ARIH1: variants seen among roughly 807,000 people sequenced by gnomAD.
ARIH1 encodes the protein E3 ubiquitin-protein ligase ARIH1.
ARIH1 carries 8 observed loss-of-function variants against 85.0 expected under a neutral mutation model. The observed-to-expected ratio is 0.09, with a 90% CI of 0.06 to 0.17. The LOEUF (loss-of-function observed/expected upper bound fraction) is 0.17. ARIH1 is among the 10% of genes least tolerant of loss of function. The pLI, the probability that ARIH1 is intolerant of heterozygous loss-of-function variation, is 1.00. For synonymous variants in ARIH1, 238 were observed against 253.6 expected, an observed-to-expected ratio of 0.94 and a Z score of 0.59; for missense variants, 311 against 718.1, an observed-to-expected ratio of 0.43 and a Z score of 6.48.
intron 1 of ARIH1, among the ~76,000 whole-genome samples, chr15:72,479,949 G>T (rs2063808977): frequency 6.7e-6 from 1 of 149,952 alleles, no homozygotes; most frequent in Non-Finnish European, 1.5e-5. Flanking sequence ...CTCACCGCAA[G>T]CTCCGCCTCC....
In ARIH1 at chr15:72,493,406, A is replaced by G. The variant is rs1264448939; in HGVS notation, c.375+18392A>G. Among the ~76,000 whole-genome samples the G allele has an allele frequency of 3.9e-5, 6 of 152,288 alleles. No individual in the cohort carries two copies. In the East Asian group the frequency reaches 9.6e-4, roughly 24 times the overall value. ...GCATGTCTGTTCAGGCAAAGTTTAC[A>G]TAAGGTAGAACACTACAGCAGCACA... On this transcript the variant is annotated intron_variant, in intron 1 of 13. Coordinates refer to ENST00000379887, the MANE Select transcript of ARIH1 (RefSeq NM_005744.5).
At chr15:72,482,217 T>G (rs923613024) in intron 1 of ARIH1, among the ~76,000 whole-genome samples, 3 of 152,202 alleles carry the variant, frequency 2.0e-5, no homozygotes, top group African/African-American at 7.2e-5. Context: ...AGTCCTAGAT[T>G]TTTTTAATAT....
intron 10 of ARIH1, among the ~76,000 whole-genome samples, chr15:72,571,241 C>G (rs1487906255): frequency 1.3e-5 from 2 of 150,690 alleles, no homozygotes; most frequent in Non-Finnish European, 3.0e-5. Context: ...AGTTTAAGCT[C>G]TGAAACTCTG....
At chr15:72,523,097 C>A (rs1054707301) in intron 2 of ARIH1, among the ~76,000 whole-genome samples, 13 of 152,176 alleles carry the variant, frequency 8.5e-5, no homozygotes, top group African/African-American at 3.1e-4. Flanking sequence ...TCTTAAAATA[C>A]AAAATGTACT....
intron 3 of ARIH1, among the ~76,000 whole-genome samples, chr15:72,550,302 C>T (rs1287425357): frequency 1.3e-5 from 2 of 152,120 alleles, no homozygotes; most frequent in Non-Finnish European, 2.9e-5. Context: ...TTAAAATGAG[C>T]TCTAGACTAG....
At chr15:72,523,341 C>T (rs1389128075) in intron 2 of ARIH1, among the ~76,000 whole-genome samples, 4 of 152,096 alleles carry the variant, frequency 2.6e-5, no homozygotes, top group African/African-American at 7.2e-5. Flanking sequence ...CATGAAAAAC[C>T]GTGGAGGGAC....
chr15:72,493,859 T>C (rs2063869152), intron 1 of ARIH1, among the ~76,000 whole-genome samples: 1 of 149,456 alleles, frequency 6.7e-6, no homozygotes, highest in South Asian at 2.2e-4. Context: ...TGACTGTTTA[T>C]AAACTTTTTT....
At chr15:72,571,893 C>G (rs1307623838) in intron 10 of ARIH1, among the ~76,000 whole-genome samples, 1 of 152,102 alleles carries the variant, frequency 6.6e-6, no homozygotes, top group African/African-American at 2.4e-5. Context: ...AGAGAGAATT[C>G]AAACACTAGA....
At chr15:72,537,443 T>G (rs2140420437) in intron 2 of ARIH1, among the ~76,000 whole-genome samples, 1 of 152,304 alleles carries the variant, frequency 6.6e-6, no homozygotes, top group East Asian at 1.9e-4. Flanking sequence ...CTCCAAACCC[T>G]CAGTTCCAAT....
intron 2 of ARIH1, among the ~76,000 whole-genome samples, chr15:72,544,085 A>G (rs1341851427): frequency 2.0e-5 from 3 of 152,124 alleles, no homozygotes; most frequent in Non-Finnish European, 2.9e-5. Flanking sequence ...TTAGATATGG[A>G]ACTACTCTAT....
At chr15:72,527,585 A>G (rs902289207) in intron 2 of ARIH1, among the ~76,000 whole-genome samples, 3 of 151,962 alleles carry the variant, frequency 2.0e-5, no homozygotes. Flanking sequence ...CAGTCACCAA[A>G]TTCATTTTTC....
At position 72,582,062 on chromosome 15, in the gene ARIH1, ATTCT is replaced by A; in HGVS notation, c.1477-11_1477-8del. 6.3e-7 allele frequency: 1 copy of A among 1,578,292 alleles called. No homozygotes were observed. The highest frequency in any genetic ancestry group is 8.6e-7 in the Non-Finnish European group (1 of 1,158,148). ...TATTTTGAAGCCAAAATTTACTTTC[ATTCT>A]TCTTACAGAATAACCAAGCAGATCT... On this transcript the variant is annotated splice_polypyrimidine_tract_variant and intron_variant, in intron 12 of 13. Coordinates refer to ENST00000379887, the MANE Select transcript of ARIH1 (RefSeq NM_005744.5). This position sits in a 1 kb window ranked among gnomAD's most constrained non-coding sequence, Gnocchi z 4.6.
chr15:72,515,174 A>G (rs966364085), intron 1 of ARIH1, among the ~76,000 whole-genome samples: 2 of 151,938 alleles, frequency 1.3e-5, no homozygotes, highest in Non-Finnish European at 2.9e-5. Context: ...TGTCTCTACT[A>G]AAAATACAAA....
chr15:72,512,292 A>G (rs1414516672), intron 1 of ARIH1, among the ~76,000 whole-genome samples: 1 of 151,942 alleles, frequency 6.6e-6, no homozygotes, highest in Non-Finnish European at 1.5e-5. Context: ...TTTGTGCAAG[A>G]GAGTTAATTA....
rs757474107 is a variant in ARIH1, at chr15:72,518,037, A to G, written c.376-30A>G. On this transcript the variant is annotated intron_variant, in intron 1 of 13. Coordinates refer to ENST00000379887, the MANE Select transcript of ARIH1 (RefSeq NM_005744.5). ...AATGTCCATGAAGTGCTATTACCTT[A>G]AAATGACTTTTTTTCCCCTCCTTCT... The G allele has an allele frequency of 4.5e-5, 70 of 1,560,818 alleles. 1 individual carries two copies. The highest frequency in any genetic ancestry group is 3.8e-5 in the Non-Finnish European group (43 of 1,134,624).
chr15:72,532,280 A>G (rs35592085), intron 2 of ARIH1, among the ~76,000 whole-genome samples: 6,260 of 151,946 alleles, frequency 0.041, 170 homozygotes, highest in East Asian at 0.094. Context: ...GATCTTGTGG[A>G]TGGTTTAAAA....
chr15:72,535,198 G>T (rs536350056), intron 2 of ARIH1, among the ~76,000 whole-genome samples: 1 of 151,580 alleles, frequency 6.6e-6, no homozygotes, highest in Non-Finnish European at 1.5e-5. Flanking sequence ...TGATCCACCC[G>T]CCTCGGCCTC....
At chr15:72,503,167 TTATAA>T (rs758291520) in intron 1 of ARIH1, among the ~76,000 whole-genome samples, 10 of 152,340 alleles carry the variant, frequency 6.6e-5, no homozygotes, top group South Asian at 2.1e-4. Context: ...GTTGTGACAA[TTATAA>T]TATATATGTG....
intron 1 of ARIH1, among the ~76,000 whole-genome samples, chr15:72,484,479 G>C (rs2140392532): frequency 6.6e-6 from 1 of 151,712 alleles, no homozygotes; most frequent in South Asian, 2.1e-4. Context: ...TTTGCATGCT[G>C]ATAGCTTAGC....
Sources: gnomAD v4.1 joint callset for allele counts (sites outside exome capture counted in the v4.1 genomes callset) on GRCh38, gnomAD v4.1.1 for gene constraint, Gnocchi (gnomAD v3.1) non-coding constraint, MANE v1.5 for transcripts, NCBI Gene and HGNC (gene_info 2026-07-23, HGNC 2026-07-21) for gene names.